Variants in RNF38 observed in about 807,000 individuals in gnomAD.
RNF38 encodes the protein ring finger protein 38.
A neutral mutation model predicts 67.2 loss-of-function variants in RNF38; 15 were observed. The observed-to-expected ratio is 0.22, with a 90% CI of 0.15 to 0.34. The LOEUF (loss-of-function observed/expected upper bound fraction) is 0.34, where lower values mean the gene tolerates loss of function less well. RNF38 is among the 10% of genes least tolerant of loss of function. RNF38 has a pLI of 1.00. For missense variants in RNF38, 524 were observed against 639.9 expected, an observed-to-expected ratio of 0.82 and a Z score of 1.95; for synonymous variants, 220 against 218.8, an observed-to-expected ratio of 1.01 and a Z score of -0.05.
intron 4 of RNF38, among the ~76,000 whole-genome samples, chr9:36,366,184 TA>T (rs1176633621): frequency 2.0e-5 from 3 of 152,098 alleles, no homozygotes; most frequent in Non-Finnish European, 4.4e-5. Context: ...CCCTATCATT[TA>T]AAAAAAATTT....
chr9:36,367,947 G>T (rs567272307), intron 4 of RNF38, among the ~76,000 whole-genome samples: 2 of 152,310 alleles, frequency 1.3e-5, no homozygotes, highest in East Asian at 3.9e-4. Context: ...CACCTCACAG[G>T]TTCAAGCGCT....
intron 3 of RNF38, among the ~76,000 whole-genome samples, chr9:36,375,339 C>T (rs1185335583): frequency 2.6e-5 from 4 of 152,082 alleles, no homozygotes; most frequent in East Asian, 1.9e-4. Context: ...TACAGATGTG[C>T]GCCAACATCC....
intron 1 of RNF38, among the ~76,000 whole-genome samples, chr9:36,447,959 G>C (rs1839347488): frequency 6.6e-6 from 1 of 152,208 alleles, no homozygotes; most frequent in African/African-American, 2.4e-5. Context: ...AAGTTCTTCT[G>C]AACTAGAAGT....
chr9:36,408,995 T>C (rs979907894), intron 2 of RNF38, among the ~76,000 whole-genome samples: 1 of 152,152 alleles, frequency 6.6e-6, no homozygotes, highest in African/African-American at 2.4e-5. Flanking sequence ...GAGGCCAGCC[T>C]GGCCAACATG....
chr9:36,400,899 TCCCCGCCCCGCCGCGCCCCGCCGCA>T, upstream of RNF38: 2 of 825,114 alleles, frequency 2.4e-6, no homozygotes, highest in Non-Finnish European at 2.7e-6. Context: ...GCCACGCCCC[TCCCCGCCCCGCCGCGCCCCGCCGCA>T]CCCCGCCTCA....
rs1425443217 is a variant in RNF38, at chr9:36,338,172, A to G, written c.*1580T>C. 1.3e-5 allele frequency: 2 copies of G among 152,276 alleles called. No homozygotes were observed. Among genetic ancestry groups the G allele is most frequent in the Non-Finnish European group, 2.9e-5 (2 of 68,052 alleles). 9.4% of individuals were successfully genotyped at this position (152,276 alleles called of 1,614,324 possible). ...GAGGCAGACAATGTTGAATACACTAAAAGAATGAGAAAGTAATTTAAACAT... is the reference window on the plus strand; with the variant it reads ...GAGGCAGACAATGTTGAATACACTAGAAGAATGAGAAAGTAATTTAAACAT... On this transcript the variant is annotated 3_prime_UTR_variant, in exon 12 of 12. Coordinates refer to ENST00000259605, the MANE Select transcript of RNF38 (RefSeq NM_022781.5).
At chr9:36,379,224 G>C (rs1836021424) in intron 2 of RNF38, among the ~76,000 whole-genome samples, 1 of 152,138 alleles carries the variant, frequency 6.6e-6, no homozygotes. Context: ...CTAACTCAAA[G>C]TCACAGGAAA....
Position 36,339,726 on chromosome 9 carries a change from A to G in RNF38, c.*26T>C. The G allele has an allele frequency of 6.3e-7, 1 of 1,597,818 alleles. No individual in the cohort carries two copies. The highest frequency in any genetic ancestry group is 1.1e-5 in the South Asian group (1 of 89,772). ...ATATACATGTGATGAGGAACACCCA[A>G]ACTAAATTTGTGCTTCTTAGGTTGG... On this transcript the variant is annotated 3_prime_UTR_variant, in exon 12 of 12. Coordinates refer to ENST00000259605, the MANE Select transcript of RNF38 (RefSeq NM_022781.5).
At chr9:36,421,953 C>G (rs1838639730) in intron 2 of RNF38, among the ~76,000 whole-genome samples, 1 of 152,130 alleles carries the variant, frequency 6.6e-6, no homozygotes, top group Non-Finnish European at 1.5e-5. Context: ...ATAATCTGGC[C>G]AGGCATGGTG....
At chr9:36,376,256 C>T (rs1835778310) in intron 2 of RNF38, 129 bp from the exon 3 acceptor site, 1 of 644,466 alleles carries the variant, frequency 1.6e-6, no homozygotes, top group Admixed American at 4.0e-5. Flanking sequence ...AAAATATATG[C>T]TATCAATTCA....
At chr9:36,377,856 GTTGTA>G (rs1835898132) in intron 2 of RNF38, among the ~76,000 whole-genome samples, 1 of 151,994 alleles carries the variant, frequency 6.6e-6, no homozygotes, top group South Asian at 2.1e-4. Flanking sequence ...ATTCTGTATT[GTTGTA>G]TTGTTACTTT....
chr9:36,440,177 T>C (rs1431869624), intron 1 of RNF38, among the ~76,000 whole-genome samples: 5 of 150,860 alleles, frequency 3.3e-5, no homozygotes, highest in African/African-American at 1.2e-4. Flanking sequence ...ATCTGGGAGG[T>C]AGAGGTTGCA....
intron 1 of RNF38, among the ~76,000 whole-genome samples, chr9:36,428,042 A>C (rs1838822264): frequency 1.3e-5 from 2 of 151,740 alleles, no homozygotes; most frequent in Non-Finnish European, 2.9e-5. Context: ...GTGAGAAATA[A>C]ATTTCTGTTG....
intron 1 of RNF38, among the ~76,000 whole-genome samples, chr9:36,460,397 T>C (rs188266928): frequency 1.3e-5 from 2 of 152,284 alleles, no homozygotes; most frequent in African/African-American, 2.4e-5. Flanking sequence ...ATCATACATA[T>C]ACATACTGGA....
intron 1 of RNF38, among the ~76,000 whole-genome samples, chr9:36,448,451 G>A (rs1418110999): frequency 6.6e-6 from 1 of 152,178 alleles, no homozygotes; most frequent in Non-Finnish European, 1.5e-5. Context: ...TTAGACACAT[G>A]CAGAGAGCTG....
chr9:36,358,283 G>A (rs896926977), intron 4 of RNF38, among the ~76,000 whole-genome samples: 1 of 152,008 alleles, frequency 6.6e-6, no homozygotes, highest in Non-Finnish European at 1.5e-5. Flanking sequence ...TCCATTATTT[G>A]GTCACATTCA....
At position 36,438,640 on chromosome 9, in the gene RNF38, G is replaced by A. The variant is rs76136532; in HGVS notation, n.242-13957C>T. Among the ~76,000 whole-genome samples the A allele has an allele frequency of 3.3e-3, 495 of 151,988 alleles. 5 individuals are homozygous for A. The highest frequency in any genetic ancestry group is 0.011 in the African/African-American group (454 of 41,446). On this transcript the variant is annotated intron_variant and non_coding_transcript_variant, in intron 1 of 3. Transcript: ENST00000488058. ...TTTGTCTACAATAGCAAAGCTTCAC[G>A]GTGCTGAACAAAAGACCTAGATAGG...
At chr9:36,363,117 TG>T (rs1834695387) in intron 4 of RNF38, among the ~76,000 whole-genome samples, 1 of 99,550 alleles carries the variant, frequency 1.0e-5, no homozygotes, top group African/African-American at 3.0e-5. Context: ...ATCTATGAGA[TG>T]GGGGTCTCAC....
intron 1 of RNF38, chr9:36,487,247 G>T: frequency 1.0e-6 from 1 of 956,722 alleles, no homozygotes; most frequent in Non-Finnish European, 1.2e-6. Context: ...CACGCCTCCG[G>T]CCCCCACCCG....
Sources: gnomAD v4.1 joint callset for allele counts (sites outside exome capture counted in the v4.1 genomes callset) on GRCh38, gnomAD v4.1.1 for gene constraint, MANE v1.5 for transcripts, NCBI Gene and HGNC (gene_info 2026-07-23, HGNC 2026-07-21) for gene names.